The following MUC13 variants were observed in gnomAD, a reference collection of about 807,000 sequenced individuals.
MUC13 encodes mucin-13.
In MUC13, 32 loss-of-function variants were observed where a neutral mutation model predicts 48.3. The ratio of observed to expected loss-of-function variants is 0.66; its 90% confidence interval spans 0.50 to 0.89. The LOEUF (loss-of-function observed/expected upper bound fraction) is 0.89, where lower values mean the gene tolerates loss of function less well. Among genes scored for constraint, MUC13 ranks in the 40% least tolerant of loss-of-function variants. The probability of loss-of-function intolerance (pLI) is 0.00; values close to 1 mark genes in which losing one functional copy is unlikely to be tolerated. For synonymous variants in MUC13, 199 were observed against 224.9 expected, an observed-to-expected ratio of 0.88 and a Z score of 1.03; for missense variants, 571 against 622.8, an observed-to-expected ratio of 0.92 and a Z score of 0.88.
At chr3:124,933,458 A>G (rs1689302700) in intron 1 of MUC13, among the ~76,000 whole-genome samples, 1 of 152,220 alleles carries the variant, frequency 6.6e-6, no homozygotes, top group African/African-American at 2.4e-5. Context: ...ACTACAGGAA[A>G]GAAGACCGAG....
At chr3:124,910,651 TTCC>T in intron 9 of MUC13, 152 bp from the exon 10 acceptor site, 1 of 1,234,076 alleles carries the variant, frequency 8.1e-7, no homozygotes, top group Non-Finnish European at 1.1e-6. Context: ...GTTGGCCTAT[TTCC>T]TTTAGCATTC....
chr3:124,908,350 T>A lies in MUC13; in HGVS notation c.1338-2A>T. 6.2e-7 allele frequency: 1 copy of A among 1,612,938 alleles called. No individual in the cohort carries two copies. The highest frequency in any genetic ancestry group is 8.5e-7 in the Non-Finnish European group (1 of 1,178,942). ...ATATGCTTCGTTTTGTTATTTGATC[T>A]GTAATCAGTAAGAGGAATTAGGATT... On this transcript the variant is annotated splice_acceptor_variant, in intron 10 of 11. Coordinates refer to ENST00000616727, the MANE Select transcript of MUC13 (RefSeq NM_033049.4). LOFTEE classifies it high-confidence loss of function.
At position 124,916,356 on chromosome 3, in the gene MUC13, CTTTA is replaced by C; in HGVS notation, c.921_924del (p.Asn307LysfsTer11). On this transcript the variant is annotated frameshift_variant, in exon 6 of 12. Coordinates refer to ENST00000616727, the MANE Select transcript of MUC13 (RefSeq NM_033049.4). LOFTEE classifies it high-confidence loss of function. ...AAGTTGCTTGAGCTACTTCTAATTG[CTTTA>C]TTAATTTTCTCAGTCACAGTCTTCT... The C allele has an allele frequency of 1.9e-6, 3 of 1,612,986 alleles. No homozygotes were observed. The highest frequency in any genetic ancestry group is 2.5e-6 in the Non-Finnish European group (3 of 1,179,808).
At chr3:124,923,894 T>C (rs1490706427) in intron 2 of MUC13, among the ~76,000 whole-genome samples, 1 of 152,132 alleles carries the variant, frequency 6.6e-6, no homozygotes, top group African/African-American at 2.4e-5. Flanking sequence ...GAGATTAGTG[T>C]ACAAGGGCTT....
chr3:124,915,241 T>G (rs115424171), intron 6 of MUC13, among the ~76,000 whole-genome samples: 144 of 152,328 alleles, frequency 9.5e-4, no homozygotes, highest in African/African-American at 3.3e-3. Flanking sequence ...GTGGGTTGAC[T>G]GCAGTCATGA....
Position 124,905,442 on chromosome 3 carries a change from C to T in MUC13, c.*1301G>A, listed in dbSNP as rs1471017505. ...GAAAAAAAAGCCCCAGACACAAGGA[C>T]ACCATCTAACAAAGGCACTTTATTG... On this transcript the variant is annotated 3_prime_UTR_variant, in exon 12 of 12. Transcript: ENST00000616727. The T allele has an allele frequency of 1.3e-5, 2 of 149,164 alleles. No individual in the cohort carries two copies. The highest frequency in any genetic ancestry group is 2.5e-5 in the African/African-American group (1 of 40,494). 9.2% of individuals were successfully genotyped at this position (149,164 alleles called of 1,614,324 possible). A position where few individuals can be genotyped will look rare whatever the true frequency, so the allele number is the denominator to read the frequency against.
At chr3:124,917,328 T>A (rs2107669759) in intron 5 of MUC13, among the ~76,000 whole-genome samples, 1 of 149,494 alleles carries the variant, frequency 6.7e-6, no homozygotes, top group South Asian at 2.1e-4. Flanking sequence ...TGTCTAAATG[T>A]TTTTTTCTAT....
At chr3:124,931,674 G>A (rs1289073095) in intron 1 of MUC13, among the ~76,000 whole-genome samples, 2 of 151,970 alleles carry the variant, frequency 1.3e-5, no homozygotes, top group Admixed American at 6.6e-5. Flanking sequence ...CTTGAACCTG[G>A]GAGGCAGAGG....
At position 124,927,802 on chromosome 3, in the gene MUC13, T is replaced by C. The variant is rs2107673403; in HGVS notation, c.244A>G (p.Ile82Val). 4.3e-6 allele frequency: 7 copies of C among 1,613,334 alleles called. No individual in the cohort carries two copies. The highest frequency in any genetic ancestry group is 5.1e-6 in the Non-Finnish European group (6 of 1,179,862). ...ATTATGGGGGGAGCAGGTGTAGGAA[T>C]TGTGGAGGAACTATGTGTACTAATT... ...PIISTHSSST[I>V]PTPAPPIIST... Residue 82 changes from isoleucine to valine, a missense_variant, in exon 2 of 12, where the codon ATT becomes GTT. Coordinates refer to ENST00000616727, the MANE Select transcript of MUC13 (RefSeq NM_033049.4).
At position 124,921,456 on chromosome 3, in the gene MUC13, C is replaced by A. The variant is rs189563978; in HGVS notation, c.744+741G>T. Among the ~76,000 whole-genome samples the A allele has an allele frequency of 2.0e-5, 3 of 152,234 alleles. No homozygotes were observed. In the East Asian group the frequency reaches 5.8e-4, roughly 29 times the overall value. ...ATGAGCCACCATGCCCAGCCTCCAC[C>A]TCAACTTCTAAGACATATTTAAGGC... On this transcript the variant is annotated intron_variant, in intron 4 of 11. Transcript: ENST00000616727.
At chr3:124,930,211 G>T (rs567342476) in intron 1 of MUC13, among the ~76,000 whole-genome samples, 3 of 152,226 alleles carry the variant, frequency 2.0e-5, no homozygotes, top group Non-Finnish European at 4.4e-5. Flanking sequence ...TTATGACAAG[G>T]AGTTTTGGAC....
At chr3:124,914,131 G>T (rs1935470776) in intron 6 of MUC13, among the ~76,000 whole-genome samples, 1 of 152,206 alleles carries the variant, frequency 6.6e-6, no homozygotes, top group Non-Finnish European at 1.5e-5. Flanking sequence ...ATGAGTCTGG[G>T]CTGGGTGTGG....
intron 1 of MUC13, among the ~76,000 whole-genome samples, chr3:124,933,476 C>T (rs188929461): frequency 6.6e-6 from 1 of 152,282 alleles, no homozygotes; most frequent in Admixed American, 6.5e-5. Flanking sequence ...GAGAAGGAAA[C>T]CACCCCTGAG....
At chr3:124,909,171 A>G (rs1579360928) in intron 10 of MUC13, among the ~76,000 whole-genome samples, 1 of 152,048 alleles carries the variant, frequency 6.6e-6, no homozygotes, top group African/African-American at 2.4e-5. Context: ...AAAAGAGAAA[A>G]AACAAGAACA....
chr3:124,925,734 C>T lies in MUC13; in HGVS notation c.514+1798G>A, dbSNP rs575551679. Among the ~76,000 whole-genome samples, 4 of 152,294 alleles carry T rather than the reference C, an allele frequency of 2.6e-5. No homozygotes were observed. In the East Asian group the frequency reaches 7.7e-4, roughly 29 times the overall value. Reference sequence around the variant, plus strand: ...GCTTGAGTGATACTCCCACTTCAGCCTCCTGAGTAGCTGAGACTACAGGTG... The same window carrying T: ...GCTTGAGTGATACTCCCACTTCAGCTTCCTGAGTAGCTGAGACTACAGGTG... On this transcript the variant is annotated intron_variant, in intron 2 of 11. Coordinates refer to ENST00000616727, the MANE Select transcript of MUC13 (RefSeq NM_033049.4).
At chr3:124,914,258 A>C (rs1243683905) in intron 6 of MUC13, among the ~76,000 whole-genome samples, 1 of 151,648 alleles carries the variant, frequency 6.6e-6, no homozygotes, top group African/African-American at 2.4e-5. Context: ...AAAAATACAA[A>C]AATTCGCTGG....
rs1935608926 is a variant in MUC13 at position 124,922,222 on chromosome 3, T to C, written c.719A>G (p.Asp240Gly). The C allele has an allele frequency of 2.5e-6, 4 of 1,614,120 alleles. No individual in the cohort carries two copies. Among genetic ancestry groups the C allele is most frequent in the Middle Eastern group, 1.6e-4 (1 of 6,062 alleles). The change falls in exon 4 of 12, where the codon GAC (aspartate) becomes GGC (glycine). Residue 240 changes from aspartate (D) to glycine (G), a missense_variant. By Grantham distance (94) the Asp-to-Gly change is moderately conservative (BLOSUM62 -1). Coordinates refer to ENST00000616727, the MANE Select transcript of MUC13 (RefSeq NM_033049.4). ...CAAGCTAGTAATTTCACTATGCAAGTCTTGATAGGCCATGGAATGTTTCTC... is the reference window on the plus strand; with the variant it reads ...CAAGCTAGTAATTTCACTATGCAAGCCTTGATAGGCCATGGAATGTTTCTC... The part of the protein sequence containing the change: ...PEEKHSMAYQ[D>G]LHSEITSLFK...
intron 2 of MUC13, among the ~76,000 whole-genome samples, chr3:124,925,536 G>T (rs1442389859): frequency 1.3e-5 from 2 of 152,158 alleles, no homozygotes; most frequent in East Asian, 1.9e-4. Context: ...TATGTGTCAG[G>T]CCAGGGAGTA....
intron 11 of MUC13, among the ~76,000 whole-genome samples, chr3:124,907,858 G>A (rs1935342447): frequency 6.6e-6 from 1 of 152,078 alleles, no homozygotes; most frequent in South Asian, 2.1e-4. Context: ...TATTCATGGA[G>A]TTGGTAATCT....
Sources: allele counts gnomAD v4.1 joint callset (sites outside exome capture counted in the v4.1 genomes callset), GRCh38; gene constraint gnomAD v4.1.1; transcripts MANE v1.5; gene names NCBI Gene and HGNC (gene_info 2026-07-23, HGNC 2026-07-21).